The following CAMK2A variants were observed in gnomAD, a reference collection of about 807,000 sequenced individuals.
CAMK2A encodes calcium/calmodulin-dependent protein kinase type II subunit alpha.
A neutral mutation model predicts 79.2 loss-of-function variants in CAMK2A; 7 were observed. That is an observed-to-expected ratio of 0.09 (90% CI 0.05 to 0.17). The LOEUF is 0.17. Ranked by LOEUF, CAMK2A falls within the 10% of genes least tolerant of loss-of-function variation. The pLI, the probability that CAMK2A is intolerant of heterozygous loss-of-function variation, is 1.00. For synonymous variants in CAMK2A, 242 were observed against 251.7 expected (o/e 0.96, Z 0.36); for missense variants, 214 against 646.4 (o/e 0.33, Z 7.25).
intron 1 of CAMK2A, among the ~76,000 whole-genome samples, chr5:150,280,611 C>T (rs528108524): frequency 1.1e-4 from 17 of 152,268 alleles, no homozygotes; most frequent in African/African-American, 4.1e-4. Flanking sequence ...GAAATGCCTG[C>T]GCCAGGTTCG....
At chr5:150,282,614 C>T (rs1757261663) in intron 1 of CAMK2A, among the ~76,000 whole-genome samples, 1 of 152,234 alleles carries the variant, frequency 6.6e-6, no homozygotes, top group Non-Finnish European at 1.5e-5. Flanking sequence ...TCTCATGTGT[C>T]ACTGGCTTGT....
intron 12 of CAMK2A, among the ~76,000 whole-genome samples, chr5:150,245,869 T>C (rs1254508675): frequency 6.6e-6 from 1 of 152,238 alleles, no homozygotes; most frequent in Non-Finnish European, 1.5e-5. Context: ...CTTCCCCTGC[T>C]GTCATTTCCC....
Position 150,222,363 on chromosome 5 carries a change from TGGGCACCAGCCC to T in CAMK2A, c.*335_*346del. On this transcript the variant is annotated 3_prime_UTR_variant, in exon 19 of 19. Coordinates refer to ENST00000671881, the MANE Select transcript of CAMK2A (RefSeq NM_015981.4). ...ACCCCTCCTTCTCCCCAGCCCCTGGTGGGCACCAGCCCGGGCATTCTAGCCTACAGCCCAAGA... is the reference window on the plus strand; with the variant it reads ...ACCCCTCCTTCTCCCCAGCCCCTGGTGGGCATTCTAGCCTACAGCCCAAGA... 1.7e-6 allele frequency: 1 copy of T among 597,824 alleles called. No homozygotes were observed. Among genetic ancestry groups the T allele is most frequent in the Non-Finnish European group, 3.0e-6 (1 of 338,232 alleles). The allele number at this position is 597,824 out of a possible 1,614,324, so 37.0% of individuals were successfully genotyped here.
intron 15 of CAMK2A, 182 bp downstream of exon 15, chr5:150,238,518 C>T (rs1350850904): frequency 1.4e-6 from 1 of 709,086 alleles, no homozygotes; most frequent in Non-Finnish European, 2.6e-6. Flanking sequence ...GTTCCAGTAC[C>T]ACCCCCGCCC....
Position 150,223,302 on chromosome 5 carries a change from C to T in CAMK2A, c.1238-85G>A. On this transcript the variant is annotated intron_variant, in intron 17 of 18. Transcript: ENST00000671881. The surrounding 1 kb of genome is among the most constrained non-coding windows in gnomAD (Gnocchi z 4.1). Reference sequence around the variant, plus strand: ...CTTCACTTTCTCCACTCCCAGCAGCCCTCTCAATGGAGGCGCCCTGCCTGA... The same window carrying T: ...CTTCACTTTCTCCACTCCCAGCAGCTCTCTCAATGGAGGCGCCCTGCCTGA... The T allele has an allele frequency of 8.7e-7, 1 of 1,149,102 alleles. No individual in the cohort carries two copies. Among genetic ancestry groups the T allele is most frequent in the Non-Finnish European group, 1.3e-6 (1 of 798,092 alleles). 71.2% of individuals were successfully genotyped at this position (1,149,102 alleles called of 1,614,324 possible). A position where few individuals can be genotyped will look rare whatever the true frequency, so the allele number is the denominator to read the frequency against.
intron 16 of CAMK2A, among the ~76,000 whole-genome samples, chr5:150,230,041 C>T (rs144023500): frequency 3.3e-5 from 5 of 152,224 alleles, no homozygotes; most frequent in South Asian, 2.1e-4. Flanking sequence ...GCAGGCCGGG[C>T]GGGCTCGGTA....
In CAMK2A at chr5:150,238,680, C is replaced by A. The variant is rs758613373; in HGVS notation, c.1066+20G>T. The A allele has an allele frequency of 6.3e-7, 1 of 1,596,860 alleles. No homozygotes were observed. The highest frequency in any genetic ancestry group is 8.5e-7 in the Non-Finnish European group (1 of 1,169,840). ...GTTCCAGAAGTCTAAGGGGTCCCGA[C>A]ACTGAAGGCCCCTCCCTACCTTTGG... On this transcript the variant is annotated intron_variant, in intron 15 of 18. Coordinates refer to ENST00000671881, the MANE Select transcript of CAMK2A (RefSeq NM_015981.4).
At chr5:150,288,189 A>G (rs2150314453) in intron 1 of CAMK2A, among the ~76,000 whole-genome samples, 1 of 152,262 alleles carries the variant, frequency 6.6e-6, no homozygotes, top group South Asian at 2.1e-4. Flanking sequence ...AAGACCTCAC[A>G]GGAACACCAT....
Position 150,284,451 on chromosome 5 carries a change from A to T in CAMK2A, c.62+5113T>A, listed in dbSNP as rs1196349642. Among the ~76,000 whole-genome samples the T allele has an allele frequency of 7.2e-6, 1 of 139,462 alleles. No homozygotes were observed. The highest frequency in any genetic ancestry group is 2.6e-5 in the African/African-American group (1 of 38,424). 91.5% of individuals were successfully genotyped at this position (139,462 alleles called of 152,430 possible). On this transcript the variant is annotated intron_variant, in intron 1 of 18. Transcript: ENST00000671881. The surrounding 1 kb of genome is among the most constrained non-coding windows in gnomAD (Gnocchi z 5.3). ...AGGGCCATGGCCCAGACTGCAGGGC[A>T]TGCTGGCAGCAGTGTCACTGTGTGC...
Position 150,251,780 on chromosome 5 carries a change from C to A in CAMK2A, c.663G>T (p.Leu221=), listed in dbSNP as rs778928887. 3.1e-6 allele frequency: 5 copies of A among 1,609,476 alleles called. No homozygotes were observed. In the East Asian group the frequency reaches 6.7e-5, roughly 22 times the overall value. ...PPFWDEDQHR[L]YQQIKAGAYD... ...AGGCGCCGGCTTTGATCTGCTGGTACAGGCGGTGCTGGTCCTCATCCCAGA... is the reference window on the plus strand; with the variant it reads ...AGGCGCCGGCTTTGATCTGCTGGTAAAGGCGGTGCTGGTCCTCATCCCAGA... The change falls in exon 9 of 19, where the codon CTG becomes CTT. Residue 221 remains leucine (L), a synonymous_variant. Transcript: ENST00000671881.
chr5:150,282,274 C>T (rs184082797), intron 1 of CAMK2A, among the ~76,000 whole-genome samples: 1 of 152,320 alleles, frequency 6.6e-6, no homozygotes, highest in African/African-American at 2.4e-5. Context: ...GGCTAGGAAC[C>T]GGAAGAATCT....
intron 11 of CAMK2A, 70 bp downstream of exon 11, chr5:150,250,156 C>A: frequency 8.9e-7 from 1 of 1,123,566 alleles, no homozygotes; most frequent in South Asian, 1.2e-5. Flanking sequence ...GAGCGAGTCT[C>A]CTGGCCTCTG....
intron 15 of CAMK2A, among the ~76,000 whole-genome samples, chr5:150,233,901 C>G (rs112255310): frequency 6.6e-5 from 10 of 152,098 alleles, no homozygotes; most frequent in Admixed American, 2.0e-4. Context: ...CAACCTCCCC[C>G]TCGTGGGTTC....
At chr5:150,232,670 C>T (rs1754897047) in intron 15 of CAMK2A, among the ~76,000 whole-genome samples, 1 of 152,226 alleles carries the variant, frequency 6.6e-6, no homozygotes, top group Non-Finnish European at 1.5e-5. Flanking sequence ...GCCAGGATTG[C>T]AAGCTCAGGC....
At chr5:150,231,613 C>CCAAAAAAAA in intron 15 of CAMK2A, among the ~76,000 whole-genome samples, 1 of 120,466 alleles carries the variant, frequency 8.3e-6, no homozygotes, top group Non-Finnish European at 1.6e-5. Context: ...CCCAGAAAGG[C>CCAAAAAAAA]AAAAAAAAAA....
intron 12 of CAMK2A, among the ~76,000 whole-genome samples, chr5:150,245,924 A>G (rs1755549383): frequency 6.6e-6 from 1 of 152,238 alleles, no homozygotes; most frequent in African/African-American, 2.4e-5. Flanking sequence ...GGAAGTGGGC[A>G]TCAGCCAGGA....
At chr5:150,245,427 C>T (rs1028809383) in intron 12 of CAMK2A, 2 of 580,374 alleles carry the variant, frequency 3.4e-6, no homozygotes, top group Non-Finnish European at 6.2e-6. Context: ...TCAGCAATCT[C>T]AAGCGTAACC....
At chr5:150,266,608 T>C (rs1367052213) in intron 2 of CAMK2A, among the ~76,000 whole-genome samples, 1 of 152,106 alleles carries the variant, frequency 6.6e-6, no homozygotes, top group Non-Finnish European at 1.5e-5. Context: ...AGAGGTTAAG[T>C]ACCTGCCCAA....
chr5:150,225,488 C>T (rs775395164), intron 17 of CAMK2A, among the ~76,000 whole-genome samples: 16 of 152,234 alleles, frequency 1.1e-4, no homozygotes, highest in South Asian at 1.0e-3. Flanking sequence ...AGATGGGGCC[C>T]GCTGCATAGA....
Sources: allele counts gnomAD v4.1 joint callset (sites outside exome capture counted in the v4.1 genomes callset), GRCh38; gene constraint gnomAD v4.1.1; non-coding constraint Gnocchi (gnomAD v3.1); transcripts MANE v1.5; gene names NCBI Gene and HGNC (gene_info 2026-07-23, HGNC 2026-07-21).